Variants in GPC6 observed in about 807,000 individuals in gnomAD.
GPC6 encodes the protein glypican-6.
Under a neutral mutation model 55.2 loss-of-function variants are expected in GPC6, and 14 were observed. The ratio of observed to expected loss-of-function variants is 0.25; its 90% CI spans 0.17 to 0.40. The LOEUF (loss-of-function observed/expected upper bound fraction) is 0.40. Ranked by LOEUF, GPC6 falls within the 10% of genes least tolerant of loss-of-function variation. GPC6 has a pLI of 1.00. For missense variants in GPC6, 641 were observed against 708.5 expected, an observed-to-expected ratio of 0.90 and a Z score of 1.08; for synonymous variants, 278 against 259.6, an observed-to-expected ratio of 1.07 and a Z score of -0.68.
intron 1 of GPC6, among the ~76,000 whole-genome samples, chr13:93,471,124 A>G (rs1346706855): frequency 6.6e-6 from 1 of 151,860 alleles, no homozygotes; most frequent in South Asian, 2.1e-4. Context: ...GGCTTTTCAT[A>G]TTCTTATTTT....
chr13:93,603,919 C>T (rs1878129201), intron 2 of GPC6, among the ~76,000 whole-genome samples: 1 of 152,100 alleles, frequency 6.6e-6, no homozygotes, highest in African/African-American at 2.4e-5. Flanking sequence ...AAAGTGATAA[C>T]AAAAATCATT....
At chr13:94,199,936 C>T (rs1021503241) in intron 4 of GPC6, among the ~76,000 whole-genome samples, 1 of 152,130 alleles carries the variant, frequency 6.6e-6, no homozygotes, top group Non-Finnish European at 1.5e-5. Flanking sequence ...GCAGGTGGCT[C>T]ACCTGAGGTC....
chr13:94,211,775 A>T (rs1890086598), intron 4 of GPC6, among the ~76,000 whole-genome samples: 1 of 152,238 alleles, frequency 6.6e-6, no homozygotes, highest in Non-Finnish European at 1.5e-5. Flanking sequence ...TCATGGCCCT[A>T]TTATATACCA....
chr13:93,534,527 T>A (rs1484140186), intron 1 of GPC6, among the ~76,000 whole-genome samples: 1 of 152,140 alleles, frequency 6.6e-6, no homozygotes, highest in Non-Finnish European at 1.5e-5. Flanking sequence ...TGTCTCCTCC[T>A]CTTTCCCACC....
chr13:94,286,223 G>T, intron 4 of GPC6, 126 bp from the exon 5 acceptor site: 1 of 910,558 alleles, frequency 1.1e-6, no homozygotes, highest in Non-Finnish European at 1.7e-6. Flanking sequence ...TGGACTATAT[G>T]AAAGCAAATT....
chr13:93,988,960 T>C (rs1035970784), intron 3 of GPC6, among the ~76,000 whole-genome samples: 7 of 152,086 alleles, frequency 4.6e-5, no homozygotes, highest in Non-Finnish European at 7.4e-5. Flanking sequence ...GATACATAGA[T>C]AGGTAGATCA....
At chr13:93,947,715 T>A (rs1223261127) in intron 3 of GPC6, among the ~76,000 whole-genome samples, 1 of 152,106 alleles carries the variant, frequency 6.6e-6, no homozygotes, top group Non-Finnish European at 1.5e-5. Context: ...ACAAAAGTGG[T>A]TTCTTTTTTT....
chr13:93,658,196 C>T (rs1880767352), intron 2 of GPC6, among the ~76,000 whole-genome samples: 1 of 151,998 alleles, frequency 6.6e-6, no homozygotes, highest in Non-Finnish European at 1.5e-5. Flanking sequence ...CTTTGTGCCA[C>T]ATTTTCAATC....
At chr13:94,006,129 C>G (rs1038659631) in intron 3 of GPC6, among the ~76,000 whole-genome samples, 2 of 152,114 alleles carry the variant, frequency 1.3e-5, no homozygotes, top group East Asian at 3.9e-4. Context: ...GCATGCTAAG[C>G]CAGAATCCCC....
intron 4 of GPC6, among the ~76,000 whole-genome samples, chr13:94,191,057 CT>C (rs1300044742): frequency 6.6e-6 from 1 of 152,052 alleles, no homozygotes; most frequent in Non-Finnish European, 1.5e-5. Flanking sequence ...TTGTACCATT[CT>C]TATAAATTTC....
At chr13:94,172,931 G>A (rs1888623257) in intron 4 of GPC6, among the ~76,000 whole-genome samples, 1 of 152,164 alleles carries the variant, frequency 6.6e-6, no homozygotes, top group Non-Finnish European at 1.5e-5. Context: ...TCAACTCATA[G>A]TATCTATAAG....
At chr13:93,297,246 A>C (rs187752318) in intron 1 of GPC6, among the ~76,000 whole-genome samples, 1 of 152,232 alleles carries the variant, frequency 6.6e-6, no homozygotes, top group Admixed American at 6.5e-5. Flanking sequence ...CAGCCTTGGC[A>C]CTATGTTTGG....
intron 3 of GPC6, among the ~76,000 whole-genome samples, chr13:93,927,388 C>T (rs1386776777): frequency 6.6e-6 from 1 of 152,110 alleles, no homozygotes; most frequent in Admixed American, 6.5e-5. Flanking sequence ...TGCTGTCAAA[C>T]TTCTTGAGGT....
chr13:93,389,519 A>T (rs948674824), intron 1 of GPC6, among the ~76,000 whole-genome samples: 12 of 144,998 alleles, frequency 8.3e-5, no homozygotes, highest in Non-Finnish European at 1.7e-4. Flanking sequence ...AAAAAAAAAA[A>T]TTATATATAC....
intron 6 of GPC6, among the ~76,000 whole-genome samples, chr13:94,363,056 A>G (rs1879128486): frequency 6.6e-6 from 1 of 151,790 alleles, no homozygotes; most frequent in Admixed American, 6.6e-5. Flanking sequence ...CCACCCCCCG[A>G]CAGGCCCTGG....
At chr13:93,971,188 C>T (rs1880268553) in intron 3 of GPC6, among the ~76,000 whole-genome samples, 1 of 152,168 alleles carries the variant, frequency 6.6e-6, no homozygotes, top group South Asian at 2.1e-4. Flanking sequence ...AAGGCACTAA[C>T]TCTTTTACTT....
intron 1 of GPC6, among the ~76,000 whole-genome samples, chr13:93,537,382 G>GTAT (rs1310931430): frequency 1.3e-5 from 2 of 152,188 alleles, no homozygotes; most frequent in East Asian, 3.9e-4. Flanking sequence ...TACTTAGTTT[G>GTAT]TATTTATTCA....
chr13:94,079,841 A>G (rs573172878), intron 4 of GPC6, among the ~76,000 whole-genome samples: 1 of 152,300 alleles, frequency 6.6e-6, no homozygotes, highest in Non-Finnish European at 1.5e-5. Context: ...GTCTAGTAGT[A>G]TTTATCTTTA....
At chr13:94,280,508 G>A (rs1208074547) in intron 4 of GPC6, among the ~76,000 whole-genome samples, 4 of 152,122 alleles carry the variant, frequency 2.6e-5, no homozygotes, top group Non-Finnish European at 4.4e-5. Flanking sequence ...TATATTCAGC[G>A]TGCCTGTCTC....
Sources: gnomAD v4.1 joint callset for allele counts (sites outside exome capture counted in the v4.1 genomes callset) on GRCh38, gnomAD v4.1.1 for gene constraint, MANE v1.5 for transcripts, NCBI Gene and HGNC (gene_info 2026-07-23, HGNC 2026-07-21) for gene names.